The following DCHS2 variants were observed in gnomAD, a reference collection of about 807,000 sequenced individuals.
DCHS2 encodes the protein protocadherin-23.
Under a neutral mutation model 182.4 loss-of-function variants are expected in DCHS2, and 142 were observed. The observed-to-expected ratio is 0.78, with a 90% CI of 0.68 to 0.89. The LOEUF (loss-of-function observed/expected upper bound fraction) is 0.89. DCHS2 is among the 40% of genes least tolerant of loss of function. The probability of loss-of-function intolerance (pLI) is 0.00; values close to 1 mark genes in which losing one functional copy is unlikely to be tolerated. For missense variants in DCHS2, 4,319 were observed against 4,198.6 expected, an observed-to-expected ratio of 1.03 and a Z score of -0.79; for synonymous variants, 1,740 against 1,663.3, an observed-to-expected ratio of 1.05 and a Z score of -1.12.
chr4:154,418,940 G>T (rs1259255015), intron 1 of DCHS2, among the ~76,000 whole-genome samples: 1 of 152,182 alleles, frequency 6.6e-6, no homozygotes, highest in Non-Finnish European at 1.5e-5. Context: ...CAGCATGAAT[G>T]CTGAACATGA....
intron 1 of DCHS2, among the ~76,000 whole-genome samples, chr4:154,475,752 T>C (rs945544280): frequency 1.3e-5 from 2 of 152,232 alleles, no homozygotes; most frequent in Non-Finnish European, 1.5e-5. Context: ...CCTCCACTTA[T>C]AAGAAATAGC....
chr4:154,258,235 G>A (rs921934280), intron 15 of DCHS2, among the ~76,000 whole-genome samples: 7 of 152,144 alleles, frequency 4.6e-5, no homozygotes, highest in African/African-American at 1.4e-4. Context: ...TAGCCTAGGG[G>A]ATCCCAGATA....
At chr4:154,369,642 T>C (rs1394264766) in intron 2 of DCHS2, among the ~76,000 whole-genome samples, 2 of 152,242 alleles carry the variant, frequency 1.3e-5, no homozygotes, top group Non-Finnish European at 2.9e-5. Context: ...TTTAAGCTGC[T>C]AGATTCAGGA....
chr4:154,371,740 G>A (rs1222111975), intron 2 of DCHS2, among the ~76,000 whole-genome samples: 3 of 152,170 alleles, frequency 2.0e-5, no homozygotes, highest in Non-Finnish European at 2.9e-5. Flanking sequence ...GACATCTTAA[G>A]TGGTAGGAGC....
At chr4:154,276,301 T>C (rs183550792) in intron 13 of DCHS2, among the ~76,000 whole-genome samples, 1 of 152,324 alleles carries the variant, frequency 6.6e-6, no homozygotes, top group East Asian at 1.9e-4. Context: ...TGACACCGTA[T>C]TTAAAAAGTG....
In DCHS2 at chr4:154,384,189, T is replaced by C. The variant is rs112627994; in HGVS notation, c.2053-6745A>G. On this transcript the variant is annotated intron_variant, in intron 1 of 19. Coordinates refer to ENST00000357232, the MANE Select transcript of DCHS2 (RefSeq NM_001358235.2). The stretch of plus-strand genomic sequence containing the variant: ...CACAACTAATGCAAGTATGCCACTC[T>C]CTGAACACCACTTGGCAAGTTCACC... Among the ~76,000 whole-genome samples the C allele has an allele frequency of 7.4e-3, 1,124 of 152,304 alleles. 13 individuals are homozygous for C. Among genetic ancestry groups the C allele is most frequent in the African/African-American group, 0.024 (995 of 41,560 alleles).
At chr4:154,472,022 C>G (rs906071301) in intron 1 of DCHS2, among the ~76,000 whole-genome samples, 1 of 50,428 alleles carries the variant, frequency 2.0e-5, no homozygotes, top group Non-Finnish European at 5.5e-5. Flanking sequence ...TAGTCTCTAA[C>G]AAAAACAACT....
At chr4:154,363,515 A>G (rs2110762800) in intron 3 of DCHS2, among the ~76,000 whole-genome samples, 1 of 152,318 alleles carries the variant, frequency 6.6e-6, no homozygotes, top group Admixed American at 6.5e-5. Context: ...AGAAATACTG[A>G]ACTCATAGAA....
intron 5 of DCHS2, chr4:154,331,476 A>C: frequency 7.8e-7 from 1 of 1,287,264 alleles, no homozygotes; most frequent in Non-Finnish European, 1.1e-6. Context: ...GTGCCCTTGC[A>C]GCAGGAGTCT....
intron 16 of DCHS2, among the ~76,000 whole-genome samples, chr4:154,248,427 T>A (rs1325420233): frequency 6.6e-6 from 1 of 152,200 alleles, no homozygotes; most frequent in Non-Finnish European, 1.5e-5. Context: ...GTTAATAGTG[T>A]CTGCTTCTGG....
At chr4:154,463,172 T>TAC (rs200000926) in intron 1 of DCHS2, among the ~76,000 whole-genome samples, 1,176 of 70,454 alleles carry the variant, frequency 0.017, 24 homozygotes, top group African/African-American at 0.037. Context: ...TGTATATATA[T>TAC]ATACACACAC....
rs573978824 is a variant in DCHS2 at position 154,391,962 on chromosome 4, TCTATATA to T, written c.2053-14525_2053-14519del. 6.7e-3 allele frequency among the ~76,000 whole-genome samples: 1,018 copies of T among 152,292 alleles called. 5 individuals carry two copies. The highest frequency in any genetic ancestry group is 0.024 in the South Asian group (118 of 4,826). On this transcript the variant is annotated intron_variant, in intron 1 of 19. Coordinates refer to ENST00000357232, the MANE Select transcript of DCHS2 (RefSeq NM_001358235.2). ...AATAACATACCCCAGGTTATGTTAT[TCTATATA>T]CTATATACTATATACTAACAGGTGT...
chr4:154,350,133 G>A (rs1204423036), intron 3 of DCHS2, among the ~76,000 whole-genome samples: 1 of 152,206 alleles, frequency 6.6e-6, no homozygotes, highest in Non-Finnish European at 1.5e-5. Flanking sequence ...ACAGATCTCT[G>A]AGGAACTCAG....
At chr4:154,247,837 A>G (rs1732156130) in intron 16 of DCHS2, among the ~76,000 whole-genome samples, 1 of 152,188 alleles carries the variant, frequency 6.6e-6, no homozygotes, top group Non-Finnish European at 1.5e-5. Flanking sequence ...AAAGGCTCAG[A>G]TAATTTACTT....
intron 1 of DCHS2, among the ~76,000 whole-genome samples, chr4:154,407,252 G>A (rs1167844093): frequency 6.6e-6 from 1 of 152,136 alleles, no homozygotes; most frequent in Non-Finnish European, 1.5e-5. Context: ...GGCTTTAGAA[G>A]GTTGAGTCAT....
At chr4:154,271,500 G>T (rs1733589522) in intron 13 of DCHS2, among the ~76,000 whole-genome samples, 1 of 152,158 alleles carries the variant, frequency 6.6e-6, no homozygotes, top group Non-Finnish European at 1.5e-5. Flanking sequence ...TTCTTGAGGG[G>T]ACTGATATAC....
At chr4:154,404,292 T>C (rs1579051669) in intron 1 of DCHS2, among the ~76,000 whole-genome samples, 1 of 152,220 alleles carries the variant, frequency 6.6e-6, no homozygotes, top group African/African-American at 2.4e-5. Context: ...TAGAGGAGTA[T>C]TGATTGATTT....
chr4:154,394,029 A>G (rs1190073691), intron 1 of DCHS2, among the ~76,000 whole-genome samples: 4 of 152,220 alleles, frequency 2.6e-5, no homozygotes, highest in Non-Finnish European at 5.9e-5. Flanking sequence ...GACAAAAACT[A>G]AAATTTTACA....
At chr4:154,367,337 T>A (rs1340617294) in intron 2 of DCHS2, among the ~76,000 whole-genome samples, 1 of 152,062 alleles carries the variant, frequency 6.6e-6, no homozygotes, top group Admixed American at 6.5e-5. Flanking sequence ...GCTCTTTGAA[T>A]CAAGTCCAGA....
Sources: gnomAD v4.1 joint callset for allele counts (sites outside exome capture counted in the v4.1 genomes callset) on GRCh38, gnomAD v4.1.1 for gene constraint, MANE v1.5 for transcripts, NCBI Gene and HGNC (gene_info 2026-07-23, HGNC 2026-07-21) for gene names.